DNER: variants seen among roughly 807,000 people sequenced by gnomAD.
DNER encodes delta and Notch-like epidermal growth factor-related receptor.
Under a neutral mutation model 78.2 loss-of-function variants are expected in DNER, and 33 were observed. The observed-to-expected ratio is 0.42, with a 90% CI of 0.32 to 0.56. DNER has a LOEUF of 0.56. DNER is among the 20% of genes least tolerant of loss of function. DNER has a pLI of 0.11. For synonymous variants in DNER, 417 were observed against 384.8 expected, an observed-to-expected ratio of 1.08 and a Z score of -0.98; for missense variants, 918 against 975.3, an observed-to-expected ratio of 0.94 and a Z score of 0.78.
chr2:229,430,142 G>A (rs1392673353), intron 8 of DNER, among the ~76,000 whole-genome samples: 2 of 149,878 alleles, frequency 1.3e-5, no homozygotes, highest in African/African-American at 5.1e-5. Flanking sequence ...GCATTAAAAG[G>A]CTTGGAAAAA....
intron 7 of DNER, among the ~76,000 whole-genome samples, chr2:229,469,850 G>A (rs1017204076): frequency 6.6e-6 from 1 of 152,208 alleles, no homozygotes; most frequent in Admixed American, 6.5e-5. Flanking sequence ...AGCTGAGGCA[G>A]GAGAGTCGCT....
intron 8 of DNER, among the ~76,000 whole-genome samples, chr2:229,423,933 CT>C (rs1693817264): frequency 6.6e-6 from 1 of 152,176 alleles, no homozygotes; most frequent in Non-Finnish European, 1.5e-5. Context: ...TAGTTCTTTA[CT>C]TGATTATCAC....
intron 4 of DNER, among the ~76,000 whole-genome samples, chr2:229,549,649 T>C (rs983319119): frequency 6.6e-6 from 1 of 152,092 alleles, no homozygotes; most frequent in African/African-American, 2.4e-5. Flanking sequence ...TGGTGGCTCA[T>C]GCCTGTAACC....
chr2:229,673,662 G>A (rs1559204347), intron 1 of DNER, among the ~76,000 whole-genome samples: 1 of 152,194 alleles, frequency 6.6e-6, no homozygotes, highest in African/African-American at 2.4e-5. Flanking sequence ...CCTTAGCTCA[G>A]AATGCCAGGA....
At chr2:229,414,476 T>C (rs1693599592) in intron 9 of DNER, among the ~76,000 whole-genome samples, 1 of 152,054 alleles carries the variant, frequency 6.6e-6, no homozygotes, top group Non-Finnish European at 1.5e-5. Flanking sequence ...TGTCTGGTCT[T>C]GAACTCCTGA....
chr2:229,578,523 C>A (rs1377394380), intron 4 of DNER, among the ~76,000 whole-genome samples: 2 of 152,190 alleles, frequency 1.3e-5, no homozygotes, highest in Non-Finnish European at 2.9e-5. Flanking sequence ...TAACACTGGC[C>A]ACTATGCCTG....
chr2:229,522,901 A>G, intron 5 of DNER, among the ~76,000 whole-genome samples: 1 of 152,154 alleles, frequency 6.6e-6, no homozygotes, highest in Non-Finnish European at 1.5e-5. Context: ...AATAAGTGTG[A>G]TTTTTCCATG....
intron 6 of DNER, among the ~76,000 whole-genome samples, chr2:229,499,623 A>AC (rs1695572746): frequency 6.6e-6 from 1 of 151,734 alleles, no homozygotes; most frequent in Non-Finnish European, 1.5e-5. Flanking sequence ...AAACAGAAAA[A>AC]AAAAAATAGA....
At chr2:229,667,990 T>C (rs1239035989) in intron 1 of DNER, among the ~76,000 whole-genome samples, 1 of 152,210 alleles carries the variant, frequency 6.6e-6, no homozygotes, top group Admixed American at 6.5e-5. Flanking sequence ...TTATGCTATG[T>C]TGTAGCTAAC....
chr2:229,505,087 G>A (rs1695707596), intron 6 of DNER, among the ~76,000 whole-genome samples: 1 of 151,918 alleles, frequency 6.6e-6, no homozygotes, highest in South Asian at 2.1e-4. Flanking sequence ...GTCACCACCT[G>A]AAGGCTAAGT....
intron 12 of DNER, among the ~76,000 whole-genome samples, chr2:229,364,965 C>T (rs1457327493): frequency 6.6e-6 from 1 of 150,942 alleles, no homozygotes; most frequent in Non-Finnish European, 1.5e-5. Flanking sequence ...ATTCTCCTGC[C>T]TCAGCCTCCA....
chr2:229,392,829 G>C (rs1693045211), intron 10 of DNER, among the ~76,000 whole-genome samples: 1 of 151,974 alleles, frequency 6.6e-6, no homozygotes, highest in South Asian at 2.1e-4. Context: ...CACAAAAAAA[G>C]TCCATTACTT....
chr2:229,468,949 G>A (rs1399927932), intron 7 of DNER, among the ~76,000 whole-genome samples: 2 of 152,200 alleles, frequency 1.3e-5, no homozygotes, highest in Non-Finnish European at 2.9e-5. Context: ...CAGATGAGAT[G>A]AGAGCTCCTG....
chr2:229,531,272 C>T (rs10167815), intron 5 of DNER, among the ~76,000 whole-genome samples: 3,895 of 152,220 alleles, frequency 0.026, 168 homozygotes, highest in African/African-American at 0.089. Context: ...AACGAAGTGA[C>T]GTGCACCATT....
At chr2:229,438,791 C>G (rs1694177239) in intron 8 of DNER, among the ~76,000 whole-genome samples, 1 of 152,160 alleles carries the variant, frequency 6.6e-6, no homozygotes, top group Non-Finnish European at 1.5e-5. Flanking sequence ...ACCCTAAAAG[C>G]CCTGATTTCA....
At chr2:229,459,768 G>A (rs1694651880) in intron 7 of DNER, among the ~76,000 whole-genome samples, 1 of 151,984 alleles carries the variant, frequency 6.6e-6, no homozygotes, top group African/African-American at 2.4e-5. Context: ...CAGATCAGCT[G>A]GGCATGGTGG....
Position 229,418,219 on chromosome 2 carries a change from G to T in DNER, c.1498C>A (p.Leu500Ile), listed in dbSNP as rs1409990845. The T allele has an allele frequency of 6.2e-7, 1 of 1,613,912 alleles. No homozygotes were observed. Among genetic ancestry groups the T allele is most frequent in the Non-Finnish European group, 8.5e-7 (1 of 1,179,998 alleles). Reference sequence around the variant, plus strand: ...TCATTATATTCCTCCTCACAGTAGAGGCCATGGTAACCTGAGGGACAGAGA... The same window carrying T: ...TCATTATATTCCTCCTCACAGTAGATGCCATGGTAACCTGAGGGACAGAGA... Reference protein sequence around the residue: ...KCLCDPGYHGLYCEEEYNECL... With the variant: ...KCLCDPGYHGIYCEEEYNECL... Residue 500 changes from leucine (L) to isoleucine (I), a missense_variant, in exon 9 of 13, where the codon CTC (leucine) becomes ATC (isoleucine). By Grantham distance (5) the Leu-to-Ile change is conservative. Coordinates refer to ENST00000341772, the MANE Select transcript of DNER (RefSeq NM_139072.4).
intron 2 of DNER, among the ~76,000 whole-genome samples, chr2:229,589,894 A>G (rs1358779678): frequency 1.5e-5 from 2 of 131,996 alleles, no homozygotes; most frequent in African/African-American, 5.7e-5. Flanking sequence ...GGCCTTCATA[A>G]GCTGTGTGGT....
rs1262197684 is a variant in DNER at position 229,714,443 on chromosome 2, G to C, written c.-20C>G. 2.9e-5 allele frequency: 33 copies of C among 1,119,152 alleles called. No individual in the cohort carries two copies. Among genetic ancestry groups the C allele is most frequent in the Non-Finnish European group, 3.3e-5 (30 of 918,910 alleles). 69.3% of individuals were successfully genotyped at this position (1,119,152 alleles called of 1,614,324 possible). On this transcript the variant is annotated 5_prime_UTR_variant, in exon 1 of 13. Coordinates refer to ENST00000341772, the MANE Select transcript of DNER (RefSeq NM_139072.4). ...CTGCATGGCCGGCCGGGAGGGCGCG[G>C]GAGCCGGAGCCAGGACGCAGTGACG...
Sources: allele counts gnomAD v4.1 joint callset (sites outside exome capture counted in the v4.1 genomes callset), GRCh38; gene constraint gnomAD v4.1.1; transcripts MANE v1.5; gene names NCBI Gene and HGNC (gene_info 2026-07-23, HGNC 2026-07-21).